RTKN2: variants seen among roughly 807,000 people sequenced by gnomAD.
RTKN2 encodes the protein rhotekin 2.
RTKN2 carries 69 observed loss-of-function variants against 71.5 expected under a neutral mutation model. That is an observed-to-expected ratio of 0.96 (90% CI 0.79 to 1.18). The LOEUF is 1.18. Ranked by LOEUF, RTKN2 falls within the 50% of genes most tolerant of loss-of-function variation. RTKN2 has a pLI of 0.00. For synonymous variants in RTKN2, 236 were observed against 236.5 expected (o/e 1.00, Z 0.02); for missense variants, 724 against 719.7 (o/e 1.01, Z -0.07).
chr10:62,255,505 A>G (rs772784892), intron 2 of RTKN2, among the ~76,000 whole-genome samples: 2 of 152,236 alleles, frequency 1.3e-5, no homozygotes, highest in Non-Finnish European at 2.9e-5. Flanking sequence ...TGGAGAGACT[A>G]AAGAGAGGAT....
At chr10:62,261,703 G>T (rs564995216) in intron 2 of RTKN2, among the ~76,000 whole-genome samples, 63 of 152,122 alleles carry the variant, frequency 4.1e-4, no homozygotes, top group African/African-American at 1.4e-3. Flanking sequence ...AGCTAATAAG[G>T]TTGGCTACTT....
intron 2 of RTKN2, among the ~76,000 whole-genome samples, chr10:62,247,351 T>C (rs1291448212): frequency 6.6e-6 from 1 of 151,964 alleles, no homozygotes; most frequent in Non-Finnish European, 1.5e-5. Context: ...GCTAAAATAA[T>C]TTACTGATGT....
chr10:62,208,580 TA>T (rs1345171306), intron 9 of RTKN2, among the ~76,000 whole-genome samples: 1 of 152,096 alleles, frequency 6.6e-6, no homozygotes, highest in Non-Finnish European at 1.5e-5. Flanking sequence ...AAACGATATT[TA>T]AAAATGAACT....
intron 2 of RTKN2, among the ~76,000 whole-genome samples, chr10:62,254,094 A>G (rs1044485913): frequency 1.3e-5 from 2 of 152,196 alleles, no homozygotes; most frequent in Non-Finnish European, 2.9e-5. Context: ...ACAGAAACAA[A>G]TAAGTCTGTT....
chr10:62,225,954 C>T (rs1241457684), intron 6 of RTKN2, among the ~76,000 whole-genome samples: 1 of 151,554 alleles, frequency 6.6e-6, no homozygotes, highest in Non-Finnish European at 1.5e-5. Context: ...GCTTATTTTT[C>T]GTATTTTTAG....
chr10:62,210,313 A>G (rs1000017327), intron 9 of RTKN2, among the ~76,000 whole-genome samples: 1 of 152,216 alleles, frequency 6.6e-6, no homozygotes, highest in African/African-American at 2.4e-5. Context: ...AATATTTACA[A>G]GTAAAATGAT....
intron 2 of RTKN2, among the ~76,000 whole-genome samples, chr10:62,254,570 T>C (rs1343061663): frequency 6.6e-6 from 1 of 152,228 alleles, no homozygotes; most frequent in Non-Finnish European, 1.5e-5. Context: ...CACAGGGATG[T>C]ACATATATGT....
chr10:62,235,252 GGC>G, intron 6 of RTKN2, among the ~76,000 whole-genome samples: 1 of 151,908 alleles, frequency 6.6e-6, no homozygotes, highest in South Asian at 2.1e-4. Context: ...TCCAGAATTG[GGC>G]AATATGAATA....
chr10:62,217,212 T>C lies in RTKN2; in HGVS notation c.926A>G (p.Tyr309Cys). 3.8e-6 allele frequency: 6 copies of C among 1,586,912 alleles called. No individual in the cohort carries two copies. The highest frequency in any genetic ancestry group is 5.1e-6 in the Non-Finnish European group (6 of 1,167,752). ...GAGTTTACCTCCTCGCAAAACACAA[T>C]ACAACCTTCTCCAACTAATCAGACC... ...VEGLISWRRL[Y>C]CVLRGGKLYC... Residue 309 changes from tyrosine (Y) to cysteine (C), a missense_variant, in exon 9 of 12, where the codon TAT becomes TGT. Transcript: ENST00000373789.
At position 62,194,975 on chromosome 10, in the gene RTKN2, C is replaced by T. The variant is rs1417009405; in HGVS notation, c.*2933G>A. 2.0e-6 allele frequency: 2 copies of T among 985,186 alleles called. No homozygotes were observed. The highest frequency in any genetic ancestry group is 2.4e-6 in the Non-Finnish European group (2 of 829,902). 61.0% of individuals were successfully genotyped at this position (985,186 alleles called of 1,614,324 possible). A position where few individuals can be genotyped will look rare whatever the true frequency, so the allele number is the denominator to read the frequency against. Reference sequence around the variant, plus strand: ...ACAAAACTCAGCAAGAGTTGGCACGCCTGATATTTTTGAAAGACTATTTAC... The same window carrying T: ...ACAAAACTCAGCAAGAGTTGGCACGTCTGATATTTTTGAAAGACTATTTAC... On this transcript the variant is annotated 3_prime_UTR_variant, in exon 12 of 12. Coordinates refer to ENST00000373789, the MANE Select transcript of RTKN2 (RefSeq NM_145307.4).
rs755166808 is a variant in RTKN2 at position 62,199,755 on chromosome 10, CA to C, written c.1292del (p.Met431ArgfsTer7). 2.3e-5 allele frequency: 36 copies of C among 1,582,772 alleles called. No homozygotes were observed. Among genetic ancestry groups the C allele is most frequent in the Non-Finnish European group, 3.0e-5 (35 of 1,152,240 alleles). On this transcript the variant is annotated frameshift_variant and splice_region_variant, in exon 11 of 12. Transcript: ENST00000373789. LOFTEE classifies it high-confidence loss of function. ...TTAGAAAAGACAAACCCCACTTACT[CA>C]TATCATGGTAGACTGAGGTTGCCTC... is the stretch of plus-strand genomic sequence containing the variant. ...TKEATSVYHD[M>X]SIDSPMKLES...
At chr10:62,232,004 C>A (rs919419347) in intron 6 of RTKN2, among the ~76,000 whole-genome samples, 5 of 152,096 alleles carry the variant, frequency 3.3e-5, no homozygotes, top group Non-Finnish European at 7.4e-5. Flanking sequence ...ACTACAGTGT[C>A]AACAGAATGC....
chr10:62,234,583 G>A (rs1240124878), intron 6 of RTKN2, among the ~76,000 whole-genome samples: 1 of 151,896 alleles, frequency 6.6e-6, no homozygotes. Flanking sequence ...GATTGCTAGG[G>A]TTTCAACTTA....
At chr10:62,199,672 A>T in intron 11 of RTKN2, 82 bp downstream of exon 11, 1 of 751,026 alleles carries the variant, frequency 1.3e-6, no homozygotes, top group Non-Finnish European at 2.2e-6. Context: ...TTAGCATTTT[A>T]ATGTCAATAG....
chr10:62,254,039 A>G (rs928190915), intron 2 of RTKN2, among the ~76,000 whole-genome samples: 2 of 152,180 alleles, frequency 1.3e-5, no homozygotes, highest in Admixed American at 6.5e-5. Context: ...ACACAGAAAC[A>G]CTATCTATCC....
chr10:62,196,635 C>A lies in RTKN2; in HGVS notation c.*1273G>T, dbSNP rs1841337208. On this transcript the variant is annotated 3_prime_UTR_variant, in exon 12 of 12. Transcript: ENST00000373789. The stretch of plus-strand genomic sequence containing the variant: ...TTTAAAAAGATCTCAAGAGATTATA[C>A]ACAGGGCAGCAATTTAATTCTTAAA... 3 of 984,480 alleles carry A rather than the reference C, an allele frequency of 3.0e-6. No individual in the cohort carries two copies. Among genetic ancestry groups the A allele is most frequent in the Admixed American group, 6.2e-5 (1 of 16,234 alleles). The allele number at this position is 984,480 out of a possible 1,614,324, so 61.0% of individuals were successfully genotyped here.
At chr10:62,186,439 C>T (rs956903466) in intron 8 of RTKN2, among the ~76,000 whole-genome samples, 2 of 151,886 alleles carry the variant, frequency 1.3e-5, no homozygotes, top group African/African-American at 4.8e-5. Flanking sequence ...TTTTCAACCA[C>T]GGAGGAAGAC....
chr10:62,227,617 G>A (rs1842056667), intron 6 of RTKN2, among the ~76,000 whole-genome samples: 1 of 152,176 alleles, frequency 6.6e-6, no homozygotes, highest in Non-Finnish European at 1.5e-5. Context: ...GATTTGGAGT[G>A]AGATGTGCAG....
chr10:62,213,200 A>T (rs889220377), intron 9 of RTKN2, among the ~76,000 whole-genome samples: 10 of 152,208 alleles, frequency 6.6e-5, no homozygotes, highest in African/African-American at 2.2e-4. Flanking sequence ...TAAAACCATT[A>T]TGTGAAAGAT....
Sources: gnomAD v4.1 joint callset for allele counts (sites outside exome capture counted in the v4.1 genomes callset) on GRCh38, gnomAD v4.1.1 for gene constraint, MANE v1.5 for transcripts, NCBI Gene and HGNC (gene_info 2026-07-23, HGNC 2026-07-21) for gene names.